Variants in ADAR observed in about 807,000 individuals in gnomAD.
ADAR encodes the protein double-stranded RNA-specific adenosine deaminase.
Under a neutral mutation model 113.2 loss-of-function variants are expected in ADAR, and 41 were observed. That is an observed-to-expected ratio of 0.36 (90% CI 0.28 to 0.47). The LOEUF (loss-of-function observed/expected upper bound fraction) is 0.47, where lower values mean the gene tolerates loss of function less well. Ranked by LOEUF, ADAR falls within the 20% of genes least tolerant of loss-of-function variation. ADAR has a pLI of 1.00. For synonymous variants in ADAR, 605 were observed against 572.6 expected (o/e 1.06, Z -0.81); for missense variants, 1,242 against 1,540.9 (o/e 0.81, Z 3.25).
At chr1:154,608,828 A>T (rs56115312), upstream of ADAR, 2 of 75,454 alleles carry the variant, frequency 2.7e-5, no homozygotes, top group East Asian at 3.8e-4. Flanking sequence ...TCCAATGTGG[A>T]GGGGGGGGGG....
At position 154,601,905 on chromosome 1, in the gene ADAR, A is replaced by C. The variant is rs1445915665; in HGVS notation, c.737T>G (p.Ile246Ser). The change falls in exon 2 of 15, where the codon ATT becomes AGT. Residue 246 changes from isoleucine to serine, a missense_variant. Physicochemically the swap from Ile to Ser is moderately radical, Grantham distance 142. Transcript: ENST00000368474. This position sits in a 1 kb window ranked among gnomAD's most constrained non-coding sequence, Gnocchi z 4.7. ...GTTCCAAGCCTGAGCTGAGACTGCA[A>C]TAAAAGGCTCAAGAAGATCTTCTGA... ...SVSEDLLEPF[I>S]AVSAQAWNQH... 1.1e-5 allele frequency: 18 copies of C among 1,613,614 alleles called. No individual in the cohort carries two copies. Among genetic ancestry groups the C allele is most frequent in the Non-Finnish European group, 1.4e-5 (16 of 1,179,946 alleles).
In ADAR at chr1:154,596,665, G is replaced by A. The variant is rs544318550; in HGVS notation, c.2270+140C>T. The stretch of plus-strand genomic sequence containing the variant: ...TTGGCAGGTCTATTGTCTTCTAAGA[G>A]GCCGTGGAGACAGGGCTGGACTTGT... On this transcript the variant is annotated intron_variant, in intron 6 of 14. Coordinates refer to ENST00000368474, the MANE Select transcript of ADAR (RefSeq NM_001111.5). 48 of 870,756 alleles carry A rather than the reference G, an allele frequency of 5.5e-5. No individual in the cohort carries two copies. The East Asian group carries it at 1.1e-3, about 21-fold the overall frequency. The allele number at this position is 870,756 out of a possible 1,614,324, so 53.9% of individuals were successfully genotyped here.
chr1:154,607,930 A>G (rs1214170606), intron 1 of ADAR, 62 bp downstream of exon 1: 1 of 1,608,150 alleles, frequency 6.2e-7, no homozygotes, highest in East Asian at 2.2e-5. Flanking sequence ...CTGCAACACA[A>G]AGCCTGTGAG....
intron 10 of ADAR, 25 bp from the exon 11 acceptor site, chr1:154,588,283 A>C: frequency 1.2e-6 from 2 of 1,614,128 alleles, no homozygotes; most frequent in Non-Finnish European, 1.7e-6. Flanking sequence ...TGGCTGTTAA[A>C]ACTCACCTGT....
At chr1:154,615,277 C>T (rs562192629) in intron 1 of ADAR, among the ~76,000 whole-genome samples, 45 of 152,322 alleles carry the variant, frequency 3.0e-4, no homozygotes, top group Admixed American at 4.6e-4. Context: ...CTGGACAATA[C>T]AAACCAGGGA....
intron 1 of ADAR, among the ~76,000 whole-genome samples, chr1:154,603,402 G>T (rs752740449): frequency 6.6e-6 from 1 of 152,150 alleles, no homozygotes; most frequent in Non-Finnish European, 1.5e-5. Flanking sequence ...GTGGTACCCA[G>T]GCTCAGAAGG....
chr1:154,605,339 C>A (rs1039559658), intron 1 of ADAR, among the ~76,000 whole-genome samples: 1 of 152,128 alleles, frequency 6.6e-6, no homozygotes, highest in Non-Finnish European at 1.5e-5. Flanking sequence ...AGACTCCTGA[C>A]TCCCACCTTC....
intron 6 of ADAR, among the ~76,000 whole-genome samples, chr1:154,594,975 T>C (rs1485504488): frequency 1.3e-5 from 2 of 152,218 alleles, no homozygotes; most frequent in Non-Finnish European, 2.9e-5. Flanking sequence ...ATAACAGTGT[T>C]TTGTTCAATG....
At position 154,596,660 on chromosome 1, in the gene ADAR, T is replaced by C. The variant is rs1697515288; in HGVS notation, c.2270+145A>G. On this transcript the variant is annotated intron_variant, in intron 6 of 14. Transcript: ENST00000368474. ...CACTCTTGGCAGGTCTATTGTCTTC[T>C]AAGAGGCCGTGGAGACAGGGCTGGA... The C allele has an allele frequency of 4.7e-6, 4 of 851,328 alleles. No individual in the cohort carries two copies. The East Asian group carries it at 1.1e-4, about 23-fold the overall frequency. 52.7% of individuals were successfully genotyped at this position (851,328 alleles called of 1,614,324 possible).
At position 154,590,258 on chromosome 1, in the gene ADAR, T is replaced by A; in HGVS notation, c.2422A>T (p.Thr808Ser). The change falls in exon 7 of 15, where the codon ACC becomes TCC. Residue 808 changes from threonine to serine, a missense_variant. Physicochemically the swap from Thr to Ser is moderately conservative, Grantham distance 58. Around this residue, in one of 2 missense-constraint regions of ADAR, gnomAD observed 780 missense variants for 1,057.9 expected, o/e 0.74. Transcript: ENST00000368474. ...CTGAGACTGGCCCCTGTCACTGGGGTTACCTCTGTGAAACCCATGCGTTCT... is the reference window on the plus strand; with the variant it reads ...CTGAGACTGGCCCCTGTCACTGGGGATACCTCTGTGAAACCCATGCGTTCT... ...KAERMGFTEV[T>S]PVTGASLRRT... 1 of 1,612,118 alleles carries A rather than the reference T, an allele frequency of 6.2e-7. No individual in the cohort carries two copies. Among genetic ancestry groups the A allele is most frequent in the African/African-American group, 1.3e-5 (1 of 74,476 alleles).
chr1:154,611,734 C>A (rs1294780568), upstream of ADAR, among the ~76,000 whole-genome samples: 2 of 152,216 alleles, frequency 1.3e-5, no homozygotes, highest in Non-Finnish European at 2.9e-5. Flanking sequence ...CTCACCTCCC[C>A]AGGGGCCTGT....
chr1:154,607,480 G>T (rs1363992711), intron 1 of ADAR, among the ~76,000 whole-genome samples: 1 of 152,014 alleles, frequency 6.6e-6, no homozygotes, highest in Non-Finnish European at 1.5e-5. Context: ...GCTGAGGATA[G>T]TGTGCGCTGC....
intron 6 of ADAR, among the ~76,000 whole-genome samples, chr1:154,596,171 G>T (rs1440769527): frequency 6.6e-6 from 1 of 152,108 alleles, no homozygotes; most frequent in Non-Finnish European, 1.5e-5. Context: ...GTAATATATG[G>T]GTCTAGGGAG....
At chr1:154,600,858 T>A in intron 2 of ADAR, 183 bp downstream of exon 2, 2 of 835,610 alleles carry the variant, frequency 2.4e-6, no homozygotes, top group Non-Finnish European at 3.9e-6. Flanking sequence ...TGGTCCAAGG[T>A]CTATATTCCC....
Position 154,584,860 on chromosome 1 carries a change from C to G in ADAR, c.3627G>C (p.Gly1209=). 2 of 1,614,172 alleles carry G rather than the reference C, an allele frequency of 1.2e-6. No homozygotes were observed. Among genetic ancestry groups the G allele is most frequent in the Non-Finnish European group, 1.7e-6 (2 of 1,180,036 alleles). The part of the protein sequence containing the change: ...FKKGLKDMGY[G]NWISKPQEEK... ...CCTCCTGGGGTTTGCTAATCCAGTT[C>G]CCATAGCCCATATCCTTCAGGCCTT... The change falls in exon 15 of 15, where the codon GGG becomes GGC. Residue 1209 remains glycine, a synonymous_variant. Transcript: ENST00000368474.
rs775500671 is a variant in ADAR at position 154,589,832 on chromosome 1, C to T, written c.2593G>A (p.Gly865Ser). ...ATGATGGCGGCCAGAATCTTGCGGC[C>T]GAGCAAGGAGGGCTGGAAGCTGTTA... ...LTNSFQPSLL[G>S]RKILAAIIMK... Residue 865 changes from glycine to serine, a missense_variant, in exon 8 of 15, where the codon GGC becomes AGC. Around this residue, in one of 2 missense-constraint regions of ADAR, gnomAD observed 780 missense variants for 1,057.9 expected, o/e 0.74. Transcript: ENST00000368474. 6.2e-6 allele frequency: 10 copies of T among 1,613,902 alleles called. No individual in the cohort carries two copies. Among genetic ancestry groups the T allele is most frequent in the African/African-American group, 1.3e-5 (1 of 74,880 alleles).
chr1:154,584,661 A>G lies in ADAR; in HGVS notation c.*145T>C, dbSNP rs1339877110. On this transcript the variant is annotated 3_prime_UTR_variant, in exon 15 of 15. Coordinates refer to ENST00000368474, the MANE Select transcript of ADAR (RefSeq NM_001111.5). ...AAGAAAGCAGGATAAATGGGAACCC[A>G]AAGTTTTCAGTATCACCAATTATGG... 7.6e-6 allele frequency: 6 copies of G among 791,454 alleles called. No individual in the cohort carries two copies. In the East Asian group the frequency reaches 1.2e-4, roughly 16 times the overall value. The allele number at this position is 791,454 out of a possible 1,614,324, so 49.0% of individuals were successfully genotyped here. A position where few individuals can be genotyped will look rare whatever the true frequency, so the allele number is the denominator to read the frequency against.
chr1:154,597,259 T>C lies in ADAR; in HGVS notation c.1943A>G (p.Tyr648Cys). The change falls in exon 5 of 15, where the codon TAC (tyrosine) becomes TGC (cysteine). Residue 648 changes from tyrosine (Y) to cysteine (C), a missense_variant. By Grantham distance (194) the Tyr-to-Cys change is radical (BLOSUM62 -2). This residue lies in a region of ADAR where 780 missense variants were observed against 1,057.9 expected (regional missense o/e 0.74). Coordinates refer to ENST00000368474, the MANE Select transcript of ADAR (RefSeq NM_001111.5). ...AGTTTGGGCTCCCACTGCAACACAGTATTGGAACCTGACAGGAGATGAAGC... is the reference window on the plus strand; with the variant it reads ...AGTTTGGGCTCCCACTGCAACACAGCATTGGAACCTGACAGGAGATGAAGC... ...EGPAHEPKFQ[Y>C]CVAVGAQTFP... 1 of 1,614,108 alleles carries C rather than the reference T, an allele frequency of 6.2e-7. No homozygotes were observed. The highest frequency in any genetic ancestry group is 8.5e-7 in the Non-Finnish European group (1 of 1,180,006).
intron 13 of ADAR, 35 bp downstream of exon 13, chr1:154,585,718 A>T (rs750505345): frequency 1.3e-6 from 2 of 1,561,390 alleles, no homozygotes; most frequent in Non-Finnish European, 1.8e-6. Flanking sequence ...GAAAAGGAGG[A>T]AAATGTCAGG....
Sources: allele counts gnomAD v4.1 joint callset (sites outside exome capture counted in the v4.1 genomes callset), GRCh38; gene constraint gnomAD v4.1.1; regional missense constraint gnomAD v4.1.1; non-coding constraint Gnocchi (gnomAD v3.1); transcripts MANE v1.5; gene names NCBI Gene and HGNC (gene_info 2026-07-23, HGNC 2026-07-21).